Variants in MCPH1 observed in about 807,000 individuals in gnomAD.
MCPH1 encodes microcephalin.
In MCPH1, 104 loss-of-function variants were observed where a neutral mutation model predicts 84.5. The ratio of observed to expected loss-of-function variants is 1.23; its 90% CI spans 1.05 to 1.45. MCPH1 has a LOEUF of 1.45. MCPH1 is among the 40% of genes most tolerant of loss of function. The pLI, the probability that MCPH1 is intolerant of heterozygous loss-of-function variation, is 0.00. For synonymous variants in MCPH1, 514 were observed against 366.8 expected (o/e 1.40, Z -4.58); for missense variants, 1,498 against 1,005.7 (o/e 1.49, Z -6.62).
chr8:6,556,838 C>A (rs553872505), intron 12 of MCPH1, among the ~76,000 whole-genome samples: 1 of 152,126 alleles, frequency 6.6e-6, no homozygotes, highest in Non-Finnish European at 1.5e-5. Flanking sequence ...GTCTTCCCAT[C>A]TTGGCCTCTC....
intron 13 of MCPH1, among the ~76,000 whole-genome samples, chr8:6,634,032 C>G (rs71525747): frequency 0.035 from 5,326 of 152,164 alleles, 236 homozygotes; most frequent in East Asian, 0.24. Context: ...CAGAAGGATA[C>G]GCTTTTGAAG....
chr8:6,452,650 T>A (rs1346832675), intron 8 of MCPH1, among the ~76,000 whole-genome samples: 1 of 152,214 alleles, frequency 6.6e-6, no homozygotes, highest in Non-Finnish European at 1.5e-5. Context: ...GATGGGGGCT[T>A]CATGATGAGA....
chr8:6,491,951 C>T (rs1810645540), intron 11 of MCPH1, among the ~76,000 whole-genome samples: 1 of 152,190 alleles, frequency 6.6e-6, no homozygotes, highest in Non-Finnish European at 1.5e-5. Context: ...GTGCATGTGT[C>T]TTTATAGCAG....
chr8:6,530,413 G>T (rs1819252658), intron 12 of MCPH1, among the ~76,000 whole-genome samples: 1 of 151,088 alleles, frequency 6.6e-6, no homozygotes, highest in Non-Finnish European at 1.5e-5. Flanking sequence ...GGAGGCTAAG[G>T]CACGAGAATC....
At chr8:6,514,881 G>T in intron 12 of MCPH1, 3 of 941,892 alleles carry the variant, frequency 3.2e-6, no homozygotes, top group African/African-American at 3.2e-5. Flanking sequence ...ACTCAGCCGA[G>T]AGGGTTCTCT....
chr8:6,609,265 C>G (rs1290885341), intron 12 of MCPH1, among the ~76,000 whole-genome samples: 1 of 152,218 alleles, frequency 6.6e-6, no homozygotes, highest in Non-Finnish European at 1.5e-5. Flanking sequence ...CAGTTACCAC[C>G]AAAGCGCATG....
chr8:6,439,707 T>C (rs1394103276), intron 6 of MCPH1, among the ~76,000 whole-genome samples: 2 of 152,212 alleles, frequency 1.3e-5, no homozygotes, highest in Non-Finnish European at 2.9e-5. Flanking sequence ...TGGCCGTGAA[T>C]CATGTCTTTT....
At chr8:6,424,432 G>A (rs1460109744) in intron 3 of MCPH1, among the ~76,000 whole-genome samples, 4 of 152,122 alleles carry the variant, frequency 2.6e-5, no homozygotes, top group Non-Finnish European at 5.9e-5. Context: ...AACACAGGCC[G>A]ACATTAGGGG....
chr8:6,469,958 T>G (rs925506100), intron 9 of MCPH1, among the ~76,000 whole-genome samples: 3 of 152,222 alleles, frequency 2.0e-5, no homozygotes. Context: ...GTGACCACCT[T>G]TTTCACGTTT....
At chr8:6,642,302 T>C (rs1010213088) in intron 13 of MCPH1, among the ~76,000 whole-genome samples, 1 of 152,172 alleles carries the variant, frequency 6.6e-6, no homozygotes, top group Non-Finnish European at 1.5e-5. Flanking sequence ...GCAGTGCGCT[T>C]GCCAGGACTG....
intron 12 of MCPH1, among the ~76,000 whole-genome samples, chr8:6,567,798 A>T (rs1338627443): frequency 2.0e-5 from 3 of 152,166 alleles, no homozygotes; most frequent in Non-Finnish European, 2.9e-5. Context: ...TCAGAACTCC[A>T]GAGAAAATCT....
chr8:6,464,654 G>A (rs1806652264), intron 9 of MCPH1, among the ~76,000 whole-genome samples: 1 of 152,160 alleles, frequency 6.6e-6, no homozygotes, highest in South Asian at 2.1e-4. Context: ...TTTCCCACTG[G>A]GAGACCCACA....
chr8:6,501,379 T>C (rs1812144782), intron 12 of MCPH1: 1 of 152,166 alleles, frequency 6.6e-6, no homozygotes, highest in South Asian at 2.1e-4. Flanking sequence ...TGAACTTCCT[T>C]GCAAATGATT....
At chr8:6,537,380 T>G (rs1586467730) in intron 12 of MCPH1, among the ~76,000 whole-genome samples, 1 of 152,010 alleles carries the variant, frequency 6.6e-6, no homozygotes, top group South Asian at 2.1e-4. Flanking sequence ...AGAACTCAAG[T>G]GAGTTATGCA....
chr8:6,620,575 C>G (rs916585534), intron 12 of MCPH1, among the ~76,000 whole-genome samples: 1 of 152,156 alleles, frequency 6.6e-6, no homozygotes, highest in African/African-American at 2.4e-5. Context: ...GAAATACATC[C>G]CCTCAAATCT....
intron 11 of MCPH1, among the ~76,000 whole-genome samples, chr8:6,493,276 C>G (rs562645095): frequency 6.6e-6 from 1 of 152,164 alleles, no homozygotes; most frequent in East Asian, 1.9e-4. Flanking sequence ...GAGAATCACC[C>G]ATTTTCATTT....
intron 12 of MCPH1, among the ~76,000 whole-genome samples, chr8:6,539,669 C>G (rs1821177573): frequency 6.6e-6 from 1 of 152,186 alleles, no homozygotes; most frequent in Non-Finnish European, 1.5e-5. Flanking sequence ...TCACTGCAAC[C>G]TCTGCCTCCC....
intron 12 of MCPH1, chr8:6,532,490 A>G: frequency 3.1e-6 from 5 of 1,610,842 alleles, no homozygotes; most frequent in Non-Finnish European, 4.2e-6. Flanking sequence ...TTCTCAAGCT[A>G]GAAAAGAACA....
intron 3 of MCPH1, among the ~76,000 whole-genome samples, chr8:6,429,038 A>C (rs1394217733): frequency 1.3e-5 from 2 of 152,128 alleles, no homozygotes; most frequent in Non-Finnish European, 1.5e-5. Context: ...TCACTCCCAC[A>C]TACACTCATC....
Sources: allele counts gnomAD v4.1 joint callset (sites outside exome capture counted in the v4.1 genomes callset), GRCh38; gene constraint gnomAD v4.1.1; transcripts MANE v1.5; gene names NCBI Gene and HGNC (gene_info 2026-07-23, HGNC 2026-07-21).